The following ASPSCR1 variants were observed in gnomAD, a reference collection of about 807,000 sequenced individuals.
ASPSCR1 encodes ASPSCR1 tether for SLC2A4, UBX domain containing, also known as tether containing UBX domain for GLUT4.
In ASPSCR1, 55 loss-of-function variants were observed where a neutral mutation model predicts 68.9. The observed-to-expected ratio is 0.80, with a 90% confidence interval of 0.64 to 1.00. The LOEUF is 1.00. ASPSCR1 is among the 50% of genes least tolerant of loss of function. The pLI, the probability that ASPSCR1 is intolerant of heterozygous loss-of-function variation, is 0.00. For missense variants in ASPSCR1, 765 were observed against 762.2 expected (o/e 1.00, Z -0.04); for synonymous variants, 352 against 332.6 (o/e 1.06, Z -0.63).
chr17:81,987,847 CA>C lies in ASPSCR1; in HGVS notation c.374+2247del, dbSNP rs1220789340. 1.3e-5 allele frequency among the ~76,000 whole-genome samples: 2 copies of C among 150,632 alleles called. No individual in the cohort carries two copies. Among genetic ancestry groups the C allele is most frequent in the Non-Finnish European group, 3.0e-5 (2 of 67,690 alleles). ...GGGTGACAAGAGCAAAACTCCATCT[CA>C]AAAAAACAAAAAAACAAAAGAAACA... On this transcript the variant is annotated intron_variant, in intron 4 of 15. Coordinates refer to ENST00000306739, the MANE Select transcript of ASPSCR1 (RefSeq NM_024083.4). This position sits in a 1 kb window ranked among gnomAD's most constrained non-coding sequence, Gnocchi z 5.6.
At chr17:81,997,675 G>A (rs990210002) in intron 7 of ASPSCR1, among the ~76,000 whole-genome samples, 1 of 151,332 alleles carries the variant, frequency 6.6e-6, no homozygotes, top group African/African-American at 2.4e-5. Flanking sequence ...ATTTTTAGTA[G>A]AGACAGGGTT....
chr17:81,977,987 G>C lies in ASPSCR1; in HGVS notation c.102+239G>C. 3.6e-6 allele frequency: 1 copy of C among 280,248 alleles called. No homozygotes were observed. Among genetic ancestry groups the C allele is most frequent in the Non-Finnish European group, 6.6e-6 (1 of 151,596 alleles). 17.4% of individuals were successfully genotyped at this position (280,248 alleles called of 1,614,324 possible). On this transcript the variant is annotated intron_variant, in intron 1 of 15. Coordinates refer to ENST00000306739, the MANE Select transcript of ASPSCR1 (RefSeq NM_024083.4). This position sits in a 1 kb window ranked among gnomAD's most constrained non-coding sequence, Gnocchi z 5.0. ...GGCGAGCCTTCCCAGGGGTGAGGTA[G>C]AACGGCGCCGCGTGTCACCCGCATC...
chr17:81,995,718 C>T (rs2042313677), intron 5 of ASPSCR1, among the ~76,000 whole-genome samples: 1 of 152,264 alleles, frequency 6.6e-6, no homozygotes, highest in African/African-American at 2.4e-5. Flanking sequence ...TCTGCCAGCC[C>T]AGGCCTCAGT....
In ASPSCR1 at chr17:82,012,415, G is replaced by T. The variant is rs190706162; in HGVS notation, c.1353+132G>T. ...CAGGATAATAAAGCCTTTGAGAGCC[G>T]GTGGGTTCCGAGGGGGCCGTGCGCC... On this transcript the variant is annotated intron_variant, in intron 12 of 15. Coordinates refer to ENST00000306739, the MANE Select transcript of ASPSCR1 (RefSeq NM_024083.4). The T allele has an allele frequency of 5.4e-6, 6 of 1,113,086 alleles. 1 individual carries two copies. Among genetic ancestry groups the T allele is most frequent in the Admixed American group, 2.2e-5 (1 of 45,246 alleles). The allele number at this position is 1,113,086 out of a possible 1,614,324, so 69.0% of individuals were successfully genotyped here.
intron 15 of ASPSCR1, 47 bp downstream of exon 15, chr17:82,017,160 C>G (rs764170532): frequency 6.5e-7 from 1 of 1,536,656 alleles, no homozygotes; most frequent in Non-Finnish European, 8.8e-7. Context: ...GGGTGGAGGG[C>G]GGGGGTCCGG....
chr17:82,015,257 C>T (rs1271871294), intron 12 of ASPSCR1: 29 of 1,598,180 alleles, frequency 1.8e-5, no homozygotes, highest in Non-Finnish European at 2.2e-5. Context: ...AGCCTCCATG[C>T]CACCCAGTCT....
chr17:81,989,789 C>T (rs933627004), intron 4 of ASPSCR1, among the ~76,000 whole-genome samples: 6 of 152,152 alleles, frequency 3.9e-5, no homozygotes, highest in Admixed American at 1.3e-4. Context: ...GCGAGCCACA[C>T]GTCGGCCATG....
chr17:81,978,111 A>C (rs2041670089), intron 1 of ASPSCR1: 1 of 162,660 alleles, frequency 6.1e-6, no homozygotes, highest in Admixed American at 6.4e-5. Context: ...CGTCCCCCGG[A>C]GCGGGAGCCC....
At chr17:81,985,711 C>A in intron 4 of ASPSCR1, 104 bp downstream of exon 4, 1 of 1,158,996 alleles carries the variant, frequency 8.6e-7, no homozygotes, top group Non-Finnish European at 1.2e-6. Context: ...TCTGTGCTGG[C>A]CTGTGGTGCC....
At position 82,001,235 on chromosome 17, in the gene ASPSCR1, G is replaced by C. The variant is rs574219038; in HGVS notation, c.933+4389G>C. On this transcript the variant is annotated intron_variant, in intron 7 of 15. Coordinates refer to ENST00000306739, the MANE Select transcript of ASPSCR1 (RefSeq NM_024083.4). ...CTGGGACCCCCGTGTGCCTGGCAGG[G>C]CAGGTGCTGTTGACCCTGGGCAGTA... is the stretch of plus-strand genomic sequence containing the variant. 1.9e-3 allele frequency among the ~76,000 whole-genome samples: 283 copies of C among 152,286 alleles called. 1 individual carries two copies. Among genetic ancestry groups the C allele is most frequent in the African/African-American group, 6.6e-3 (274 of 41,562 alleles).
chr17:81,979,293 C>T, intron 2 of ASPSCR1, 54 bp downstream of exon 2: 4 of 1,570,200 alleles, frequency 2.5e-6, no homozygotes, highest in Non-Finnish European at 3.5e-6. Flanking sequence ...GCCCCTGCCC[C>T]CTGAACATAC....
Position 81,983,407 on chromosome 17 carries a change from C to G in ASPSCR1, c.159-147C>G, listed in dbSNP as rs536231746. 9 of 658,664 alleles carry G rather than the reference C, an allele frequency of 1.4e-5. No homozygotes were observed. The highest frequency in any genetic ancestry group is 2.4e-5 in the Non-Finnish European group (9 of 372,632). 40.8% of individuals were successfully genotyped at this position (658,664 alleles called of 1,614,324 possible). A position where few individuals can be genotyped will look rare whatever the true frequency, so the allele number is the denominator to read the frequency against. ...CGCCTTGTGCCTCTGCAGGTCATGA[C>G]GTCCCGCTGTTGGGGAGCTGCCACA... On this transcript the variant is annotated intron_variant, in intron 2 of 15. Transcript: ENST00000306739. This position sits in a 1 kb window ranked among gnomAD's most constrained non-coding sequence, Gnocchi z 4.4.
rs201587826 is a variant in ASPSCR1 at position 82,012,300 on chromosome 17, C to A, written c.1353+17C>A. ...CTCTTTCAGGTACCTGAGGGCCTCC[C>A]TGGGGTGCTGCGGGGCGGGGCCCTC... On this transcript the variant is annotated intron_variant, in intron 12 of 15. Transcript: ENST00000306739. 3 of 1,612,528 alleles carry A rather than the reference C, an allele frequency of 1.9e-6. No individual in the cohort carries two copies.
At chr17:82,003,868 C>T (rs2042618215) in intron 7 of ASPSCR1, among the ~76,000 whole-genome samples, 1 of 152,366 alleles carries the variant, frequency 6.6e-6, no homozygotes, top group Admixed American at 6.5e-5. Context: ...CGCTGAGTAA[C>T]TCGGGAGGTT....
At position 81,977,972 on chromosome 17, in the gene ASPSCR1, C is replaced by A; in HGVS notation, c.102+224C>A. 3.4e-6 allele frequency: 1 copy of A among 298,396 alleles called. No homozygotes were observed. The highest frequency in any genetic ancestry group is 6.1e-6 in the Non-Finnish European group (1 of 163,522). 18.5% of individuals were successfully genotyped at this position (298,396 alleles called of 1,614,324 possible). A position where few individuals can be genotyped will look rare whatever the true frequency, so the allele number is the denominator to read the frequency against. Reference sequence around the variant, plus strand: ...TGGGGGCGGGGCGGTGGCGAGCCTTCCCAGGGGTGAGGTAGAACGGCGCCG... The same window carrying A: ...TGGGGGCGGGGCGGTGGCGAGCCTTACCAGGGGTGAGGTAGAACGGCGCCG... On this transcript the variant is annotated intron_variant, in intron 1 of 15. Transcript: ENST00000306739. This position sits in a 1 kb window ranked among gnomAD's most constrained non-coding sequence, Gnocchi z 5.0.
intron 7 of ASPSCR1, among the ~76,000 whole-genome samples, chr17:82,002,302 A>C (rs1598417230): frequency 1.3e-5 from 2 of 151,476 alleles, no homozygotes; most frequent in East Asian, 3.9e-4. Context: ...GCTGTCACCC[A>C]GGCTGGAGTA....
At chr17:81,988,746 T>C (rs530091537) in intron 4 of ASPSCR1, among the ~76,000 whole-genome samples, 37 of 152,310 alleles carry the variant, frequency 2.4e-4, no homozygotes, top group Non-Finnish European at 5.0e-4. Flanking sequence ...TGCTCTTCCG[T>C]CGTGTGGGTG....
At chr17:82,002,189 TTAAAA>T (rs2042560152) in intron 7 of ASPSCR1, among the ~76,000 whole-genome samples, 1 of 151,876 alleles carries the variant, frequency 6.6e-6, no homozygotes, top group African/African-American at 2.4e-5. Context: ...CTTTTTAAAA[TTAAAA>T]AGTGATTTTT....
chr17:81,977,806 C>T lies in ASPSCR1; in HGVS notation c.102+58C>T, dbSNP rs1483247948. The T allele has an allele frequency of 3.4e-6, 4 of 1,174,488 alleles. No homozygotes were observed. Among genetic ancestry groups the T allele is most frequent in the East Asian group, 7.0e-5 (2 of 28,650 alleles). 72.8% of individuals were successfully genotyped at this position (1,174,488 alleles called of 1,614,324 possible). ...CGGGCGGGGGGCGCTGCGCCGAGGC[C>T]CCGCCCATTGCGGTCGGCGTCCCGG... On this transcript the variant is annotated intron_variant, in intron 1 of 15. Coordinates refer to ENST00000306739, the MANE Select transcript of ASPSCR1 (RefSeq NM_024083.4). The surrounding 1 kb of genome is among the most constrained non-coding windows in gnomAD (Gnocchi z 5.0).
Sources: allele counts gnomAD v4.1 joint callset (sites outside exome capture counted in the v4.1 genomes callset), GRCh38; gene constraint gnomAD v4.1.1; non-coding constraint Gnocchi (gnomAD v3.1); transcripts MANE v1.5; gene names NCBI Gene and HGNC (gene_info 2026-07-23, HGNC 2026-07-21).